The following DRD2 variants were observed in gnomAD, a reference collection of about 807,000 sequenced individuals.
DRD2 encodes dopamine receptor D2, also known as D(2) dopamine receptor.
A neutral mutation model predicts 38.0 loss-of-function variants in DRD2; 8 were observed. The ratio of observed to expected loss-of-function variants is 0.21; its 90% CI spans 0.12 to 0.38. DRD2 has a LOEUF of 0.38. DRD2 is among the 10% of genes least tolerant of loss of function. DRD2 has a pLI of 1.00. For synonymous variants in DRD2, 230 were observed against 238.6 expected, an observed-to-expected ratio of 0.96 and a Z score of 0.33; for missense variants, 403 against 607.7, an observed-to-expected ratio of 0.66 and a Z score of 3.54.
rs1437822285 is a variant in DRD2 at position 113,463,571 on chromosome 11, C to T, written c.-32+11505G>A. On this transcript the variant is annotated intron_variant, in intron 1 of 7. Coordinates refer to ENST00000362072, the MANE Select transcript of DRD2 (RefSeq NM_000795.4). Reference sequence around the variant, plus strand: ...TTGCTGGAGGAGCATTCCAGCCTGCCTTAATAATGTGGAGGACTTCAGGGA... The same window carrying T: ...TTGCTGGAGGAGCATTCCAGCCTGCTTTAATAATGTGGAGGACTTCAGGGA... Among the ~76,000 whole-genome samples, 4 of 152,160 alleles carry T rather than the reference C, an allele frequency of 2.6e-5. No homozygotes were observed. In the East Asian group the frequency reaches 5.8e-4, roughly 22 times the overall value.
chr11:113,416,492 T>A (rs1036736365), intron 4 of DRD2, among the ~76,000 whole-genome samples: 4 of 152,378 alleles, frequency 2.6e-5, no homozygotes, highest in Admixed American at 2.6e-4. Flanking sequence ...CAGGAGTGGA[T>A]GGAAGCCCAG....
chr11:113,469,843 A>T (rs1026621486), intron 1 of DRD2, among the ~76,000 whole-genome samples: 1 of 152,116 alleles, frequency 6.6e-6, no homozygotes, highest in African/African-American at 2.4e-5. Flanking sequence ...TCTCTCTAAA[A>T]ATGAAAATAA....
chr11:113,468,565 T>C (rs1379216912), intron 1 of DRD2, among the ~76,000 whole-genome samples: 1 of 152,200 alleles, frequency 6.6e-6, no homozygotes, highest in African/African-American at 2.4e-5. Flanking sequence ...GTTTGTTTTT[T>C]GAGATGGAGT....
chr11:113,414,903 GC>G (rs1044324772), intron 5 of DRD2, among the ~76,000 whole-genome samples: 6 of 152,198 alleles, frequency 3.9e-5, no homozygotes, highest in African/African-American at 1.4e-4. Flanking sequence ...TTCCTTCTGT[GC>G]CCACACACTG....
chr11:113,435,674 A>G (rs934638560), intron 1 of DRD2, among the ~76,000 whole-genome samples: 5 of 134,604 alleles, frequency 3.7e-5, no homozygotes, highest in African/African-American at 1.4e-4. Flanking sequence ...TGCCCCCACA[A>G]AGAAAAAAAT....
chr11:113,417,758 G>C (rs1331068710), intron 3 of DRD2, among the ~76,000 whole-genome samples: 4 of 152,232 alleles, frequency 2.6e-5, no homozygotes, highest in Non-Finnish European at 5.9e-5. Context: ...GCTTCCGTCA[G>C]AATCACAATC....
At chr11:113,462,624 T>G (rs1361968494) in intron 1 of DRD2, among the ~76,000 whole-genome samples, 1 of 152,212 alleles carries the variant, frequency 6.6e-6, no homozygotes, top group Non-Finnish European at 1.5e-5. Context: ...ACAGGTATCA[T>G]GCTCCATGCA....
At chr11:113,417,037 C>G (rs201105954) in intron 3 of DRD2, 38 bp from the exon 4 acceptor site, 163 of 1,609,098 alleles carry the variant, frequency 1.0e-4, no homozygotes, top group Non-Finnish European at 1.4e-4. Context: ...GGGTGCAGGC[C>G]CAGGGACCCC....
intron 5 of DRD2, 50 bp from the exon 6 acceptor site, chr11:113,414,511 G>A (rs901904084): frequency 1.9e-6 from 3 of 1,606,022 alleles, no homozygotes; most frequent in African/African-American, 2.7e-5. Flanking sequence ...GGGATGGAGG[G>A]GGGACAGAAA....
intron 1 of DRD2, among the ~76,000 whole-genome samples, chr11:113,452,392 T>C (rs1951217410): frequency 6.6e-6 from 1 of 151,976 alleles, no homozygotes; most frequent in Non-Finnish European, 1.5e-5. Context: ...TAGCCCTTGC[T>C]TTCCATGTTG....
At chr11:113,453,722 C>A (rs770592187) in intron 1 of DRD2, among the ~76,000 whole-genome samples, 2 of 152,172 alleles carry the variant, frequency 1.3e-5, no homozygotes, top group Non-Finnish European at 2.9e-5. Context: ...TGCCGGCACA[C>A]GGAAGGGGTT....
intron 1 of DRD2, among the ~76,000 whole-genome samples, chr11:113,439,092 C>T (rs556027909): frequency 2.0e-5 from 3 of 152,308 alleles, no homozygotes; most frequent in Admixed American, 6.5e-5. Flanking sequence ...GTATTATTAT[C>T]GTCTCACTCA....
chr11:113,429,654 G>T (rs915015278), intron 1 of DRD2, among the ~76,000 whole-genome samples: 1 of 152,126 alleles, frequency 6.6e-6, no homozygotes, highest in Non-Finnish European at 1.5e-5. Flanking sequence ...AGCCTAGCTG[G>T]CTCTCACCAT....
chr11:113,452,299 A>G (rs1951216828), intron 1 of DRD2, among the ~76,000 whole-genome samples: 1 of 152,146 alleles, frequency 6.6e-6, no homozygotes, highest in African/African-American at 2.4e-5. Context: ...CTTTATGTAA[A>G]TAACTTGAAA....
Position 113,410,933 on chromosome 11 carries a change from G to A in DRD2, c.1139-13C>T. 2 of 1,603,692 alleles carry A rather than the reference G, an allele frequency of 1.2e-6. No homozygotes were observed. Among genetic ancestry groups the A allele is most frequent in the African/African-American group, 1.3e-5 (1 of 74,918 alleles). On this transcript the variant is annotated splice_polypyrimidine_tract_variant and intron_variant, in intron 7 of 7. Transcript: ENST00000362072. ...ATGATGAACACGCCTGGGGGAGAGG[G>A]CATGGTCAGGCTGGTCCCCAGAGCC... is the stretch of plus-strand genomic sequence containing the variant.
chr11:113,472,611 A>G (rs1050831263), intron 1 of DRD2, among the ~76,000 whole-genome samples: 3 of 152,252 alleles, frequency 2.0e-5, no homozygotes, highest in Non-Finnish European at 4.4e-5. Flanking sequence ...ATGGAACAAA[A>G]GAACCAAATC....
chr11:113,449,765 T>G (rs73557280), intron 1 of DRD2, among the ~76,000 whole-genome samples: 2,114 of 152,164 alleles, frequency 0.014, 54 homozygotes, highest in African/African-American at 0.048. Context: ...CAAGTGGATA[T>G]ACTCAGACAA....
intron 1 of DRD2, among the ~76,000 whole-genome samples, chr11:113,454,035 A>T (rs1243191689): frequency 1.3e-5 from 2 of 152,180 alleles, no homozygotes; most frequent in Non-Finnish European, 2.9e-5. Flanking sequence ...ATATATGGAC[A>T]GTGGTGTGCT....
chr11:113,448,301 C>T (rs907727348), intron 1 of DRD2, among the ~76,000 whole-genome samples: 3 of 152,132 alleles, frequency 2.0e-5, no homozygotes, highest in Non-Finnish European at 2.9e-5. Context: ...CTGGGGCAGC[C>T]GCTCCTTGGA....
Sources: gnomAD v4.1 joint callset for allele counts (sites outside exome capture counted in the v4.1 genomes callset) on GRCh38, gnomAD v4.1.1 for gene constraint, MANE v1.5 for transcripts, NCBI Gene and HGNC (gene_info 2026-07-23, HGNC 2026-07-21) for gene names.